USP48: variants seen among roughly 807,000 people sequenced by gnomAD.
USP48 encodes the protein ubiquitin specific peptidase 48, also known as ubiquitin carboxyl-terminal hydrolase 48.
A neutral mutation model predicts 150.7 loss-of-function variants in USP48; 43 were observed. That is an observed-to-expected ratio of 0.29 (90% CI 0.22 to 0.37). USP48 has a LOEUF of 0.37. USP48 is among the 10% of genes least tolerant of loss of function. The probability of loss-of-function intolerance (pLI) is 1.00; values close to 1 mark genes in which losing one functional copy is unlikely to be tolerated. For missense variants in USP48, 813 were observed against 1,249.6 expected, an observed-to-expected ratio of 0.65 and a Z score of 5.27; for synonymous variants, 396 against 425.9, an observed-to-expected ratio of 0.93 and a Z score of 0.86.
intron 8 of USP48, among the ~76,000 whole-genome samples, chr1:21,744,349 G>A (rs2097788957): frequency 6.6e-6 from 1 of 151,932 alleles, no homozygotes; most frequent in Admixed American, 6.6e-5. Flanking sequence ...GAGAGACTGA[G>A]GCAGAGAGAA....
At chr1:21,731,192 C>T (rs534184777) in intron 9 of USP48, among the ~76,000 whole-genome samples, 3 of 152,244 alleles carry the variant, frequency 2.0e-5, no homozygotes, top group South Asian at 4.1e-4. Flanking sequence ...TTTTAGTAAA[C>T]AGATTTTCTT....
intron 8 of USP48, 67 bp downstream of exon 8, chr1:21,747,000 A>T: frequency 7.7e-7 from 1 of 1,301,820 alleles, no homozygotes; most frequent in Non-Finnish European, 1.1e-6. Context: ...TTCTATATTA[A>T]TCACAAGCCG....
chr1:21,721,602 T>C, intron 13 of USP48, 48 bp downstream of exon 13: 1 of 1,237,858 alleles, frequency 8.1e-7, no homozygotes, highest in East Asian at 2.6e-5. Context: ...TTATGACCTC[T>C]TGAAAACTTC....
At chr1:21,775,219 A>C (rs556684493) in intron 1 of USP48, among the ~76,000 whole-genome samples, 4 of 151,114 alleles carry the variant, frequency 2.6e-5, no homozygotes, top group African/African-American at 9.7e-5. Flanking sequence ...CTCAGTCTCC[A>C]GTGTAGCTGG....
At chr1:21,733,314 G>A (rs541939405) in intron 9 of USP48, among the ~76,000 whole-genome samples, 116 of 152,260 alleles carry the variant, frequency 7.6e-4, no homozygotes, top group Non-Finnish European at 1.4e-3. Flanking sequence ...TTACTCAGGA[G>A]GCTGAAGCAG....
chr1:21,759,180 T>C (rs1320997652), intron 1 of USP48, among the ~76,000 whole-genome samples: 1 of 27,386 alleles, frequency 3.7e-5, no homozygotes, highest in Non-Finnish European at 7.3e-5. Flanking sequence ...AGACACGGTC[T>C]CAAAAAAAAA....
intron 22 of USP48, among the ~76,000 whole-genome samples, chr1:21,698,020 G>C (rs2097642302): frequency 6.6e-6 from 1 of 152,088 alleles, no homozygotes; most frequent in Non-Finnish European, 1.5e-5. Flanking sequence ...GAGTTGGGTT[G>C]ATCTAGCTTA....
rs538815835 is a variant in USP48 at position 21,706,979 on chromosome 1, T to A, written c.1964-111A>T. ...AATCCACAGGTACGCTTTTCTTGCTTTGCTAAAGTTTGGTATTTCTAGCTC... is the reference window on the plus strand; with the variant it reads ...AATCCACAGGTACGCTTTTCTTGCTATGCTAAAGTTTGGTATTTCTAGCTC... On this transcript the variant is annotated intron_variant, in intron 15 of 26. Transcript: ENST00000308271. 6.5e-5 allele frequency: 79 copies of A among 1,224,762 alleles called. No homozygotes were observed. The South Asian group carries it at 1.2e-3, about 18-fold the overall frequency. The allele number at this position is 1,224,762 out of a possible 1,614,324, so 75.9% of individuals were successfully genotyped here.
chr1:21,757,623 A>C, intron 2 of USP48, 40 bp downstream of exon 2: 1 of 1,583,400 alleles, frequency 6.3e-7, no homozygotes, highest in Non-Finnish European at 8.6e-7. Flanking sequence ...ACAAAAACAA[A>C]AAACAGCATA....
intron 11 of USP48, chr1:21,727,876 A>G: frequency 1.0e-6 from 1 of 975,950 alleles, no homozygotes; most frequent in Non-Finnish European, 1.2e-6. Flanking sequence ...TATTTTCTAA[A>G]GTAAGGACTA....
chr1:21,767,695 T>G (rs1308116039), intron 1 of USP48, among the ~76,000 whole-genome samples: 1 of 151,984 alleles, frequency 6.6e-6, no homozygotes, highest in East Asian at 1.9e-4. Flanking sequence ...TACAAATAAA[T>G]TGTTTTTAAA....
intron 21 of USP48, 27 bp downstream of exon 21, chr1:21,703,485 A>T: frequency 6.4e-7 from 1 of 1,550,414 alleles, no homozygotes; most frequent in Non-Finnish European, 8.9e-7. Flanking sequence ...GATCATTACT[A>T]GTCATTGCCA....
intron 21 of USP48, among the ~76,000 whole-genome samples, 155 bp downstream of exon 21, chr1:21,703,357 T>C (rs532795930): frequency 6.6e-6 from 1 of 152,324 alleles, no homozygotes; most frequent in East Asian, 1.9e-4. Flanking sequence ...TAACTGTTCA[T>C]TTTCAATTAT....
At chr1:21,772,609 C>G (rs1235868980) in intron 1 of USP48, among the ~76,000 whole-genome samples, 1 of 146,340 alleles carries the variant, frequency 6.8e-6, no homozygotes, top group Non-Finnish European at 1.5e-5. Context: ...GGTGACACAG[C>G]GAGGCTCCAT....
At chr1:21,693,538 G>A (rs2097610341) in intron 23 of USP48, among the ~76,000 whole-genome samples, 1 of 152,256 alleles carries the variant, frequency 6.6e-6, no homozygotes, top group Admixed American at 6.5e-5. Flanking sequence ...CCATCTTCTA[G>A]CAGCTCATTC....
intron 7 of USP48, among the ~76,000 whole-genome samples, chr1:21,747,852 C>T (rs991072569): frequency 3.3e-5 from 5 of 152,162 alleles, no homozygotes; most frequent in African/African-American, 9.7e-5. Context: ...GGATTACAGG[C>T]GTGAGCCACC....
intron 9 of USP48, 58 bp downstream of exon 9, chr1:21,736,388 T>C: frequency 6.9e-7 from 1 of 1,452,086 alleles, no homozygotes; most frequent in South Asian, 1.3e-5. Context: ...TTATCACAAA[T>C]ATTTCTAGTA....
At chr1:21,693,237 T>C (rs2097608668) in intron 23 of USP48, among the ~76,000 whole-genome samples, 1 of 152,186 alleles carries the variant, frequency 6.6e-6, no homozygotes, top group South Asian at 2.1e-4. Context: ...AATGAACAAA[T>C]TGTACTTCAT....
At chr1:21,733,985 T>TA (rs1236838633) in intron 9 of USP48, among the ~76,000 whole-genome samples, 2 of 152,170 alleles carry the variant, frequency 1.3e-5, no homozygotes, top group African/African-American at 4.8e-5. Context: ...ATTTTGTTCC[T>TA]AGTAAGAATG....
Sources: gnomAD v4.1 joint callset for allele counts (sites outside exome capture counted in the v4.1 genomes callset) on GRCh38, gnomAD v4.1.1 for gene constraint, MANE v1.5 for transcripts, NCBI Gene and HGNC (gene_info 2026-07-23, HGNC 2026-07-21) for gene names.